Variants in AIPL1 observed in about 807,000 individuals in gnomAD.
AIPL1 encodes aryl-hydrocarbon-interacting protein-like 1.
AIPL1 carries 23 observed loss-of-function variants against 32.9 expected under a neutral mutation model. The observed-to-expected ratio is 0.70, with a 90% CI of 0.50 to 0.99. AIPL1 has a LOEUF of 0.99. AIPL1 is among the 50% of genes least tolerant of loss of function. The probability of loss-of-function intolerance (pLI) is 0.00; values close to 1 mark genes in which losing one functional copy is unlikely to be tolerated. For synonymous variants in AIPL1, 210 were observed against 209.4 expected (o/e 1.00, Z -0.02); for missense variants, 485 against 506.0 (o/e 0.96, Z 0.40).
chr17:6,433,303 A>G (rs1912790548), intron 2 of AIPL1, among the ~76,000 whole-genome samples: 1 of 152,232 alleles, frequency 6.6e-6, no homozygotes, highest in African/African-American at 2.4e-5. Context: ...GCTGTATAAA[A>G]AGCAAGGACT....
intron 3 of AIPL1, 107 bp from the exon 4 acceptor site, chr17:6,427,164 G>T: frequency 7.8e-7 from 1 of 1,279,182 alleles, no homozygotes; most frequent in Non-Finnish European, 1.1e-6. Flanking sequence ...AGTCATGCTT[G>T]CTGGTCAAGT....
chr17:6,426,099 T>C, intron 5 of AIPL1: 1 of 1,277,528 alleles, frequency 7.8e-7, no homozygotes, highest in South Asian at 1.8e-5. Context: ...CTAAATTAGA[T>C]AACCTTCAGG....
At position 6,425,883 on chromosome 17, in the gene AIPL1, A is replaced by G. The variant is rs1911899383; in HGVS notation, c.785-53T>C. 37 of 1,580,744 alleles carry G rather than the reference A, an allele frequency of 2.3e-5. No homozygotes were observed. In the South Asian group the frequency reaches 4.0e-4, roughly 17 times the overall value. On this transcript the variant is annotated intron_variant, in intron 5 of 5. Transcript: ENST00000381129. ...CAGCTCCCTTCCCAGCCTCAGAGGCAGCCCCAGCCCAGCTGGGACTCACCA... is the reference window on the plus strand; with the variant it reads ...CAGCTCCCTTCCCAGCCTCAGAGGCGGCCCCAGCCCAGCTGGGACTCACCA...
intron 1 of AIPL1, among the ~76,000 whole-genome samples, 154 bp from the exon 2 acceptor site, chr17:6,434,252 G>A (rs921384211): frequency 6.6e-6 from 1 of 151,096 alleles, no homozygotes; most frequent in Non-Finnish European, 1.5e-5. Flanking sequence ...CCTCCACCCT[G>A]CCTGCACCCC....
At chr17:6,426,498 A>T (rs1477129495) in intron 5 of AIPL1, 117 bp downstream of exon 5, 3 of 1,523,686 alleles carry the variant, frequency 2.0e-6, no homozygotes, top group African/African-American at 2.7e-5. Flanking sequence ...GGCTGGGTGG[A>T]GACAAGGTTT....
Position 6,428,525 on chromosome 17 carries a change from GGATGGCAT to G in AIPL1, c.277-27_277-20del. ...CCGTGTGCTGTGGGGATAAACGGAT[GGATGGCAT>G]CCAGGCTACCTGCCCAGAGCTAGGT... On this transcript the variant is annotated intron_variant, in intron 2 of 5. Coordinates refer to ENST00000381129, the MANE Select transcript of AIPL1 (RefSeq NM_014336.5). 1.2e-6 allele frequency: 2 copies of G among 1,611,962 alleles called. No individual in the cohort carries two copies. Among genetic ancestry groups the G allele is most frequent in the South Asian group, 2.2e-5 (2 of 91,056 alleles).
intron 2 of AIPL1, among the ~76,000 whole-genome samples, chr17:6,430,350 G>A (rs372761323): frequency 6.6e-6 from 1 of 151,304 alleles, no homozygotes; most frequent in Non-Finnish European, 1.5e-5. Flanking sequence ...CAGCTACTCA[G>A]GAGGCTGAGG....
intron 2 of AIPL1, among the ~76,000 whole-genome samples, chr17:6,432,443 A>C (rs1039083075): frequency 2.0e-5 from 3 of 152,176 alleles, no homozygotes; most frequent in Admixed American, 2.0e-4. Context: ...GAGACGCATC[A>C]ACAAAGCGCT....
chr17:6,431,696 A>G (rs73975082), intron 2 of AIPL1, among the ~76,000 whole-genome samples: 1,747 of 152,348 alleles, frequency 0.011, 26 homozygotes, highest in African/African-American at 0.038. Context: ...TTAAAAGGTC[A>G]GTGGCCTCTG....
At chr17:6,429,055 C>T (rs1394386201) in intron 2 of AIPL1, among the ~76,000 whole-genome samples, 2 of 152,182 alleles carry the variant, frequency 1.3e-5, no homozygotes, top group Admixed American at 6.5e-5. Context: ...AACTCAGTTC[C>T]CTGGGTTGCT....
rs149974083 is a variant in AIPL1, at chr17:6,434,875, C to A, written c.96+134G>T. On this transcript the variant is annotated intron_variant, in intron 1 of 5. Coordinates refer to ENST00000381129, the MANE Select transcript of AIPL1 (RefSeq NM_014336.5). ...GAATGGGTAAACGCTGGGAGCTCCC[C>A]GGAGGCCCAGCGCTGGGGCTGCCTG... The A allele has an allele frequency of 1.2e-4, 172 of 1,483,610 alleles. No individual in the cohort carries two copies. The African/African-American group carries it at 2.0e-3, about 17-fold the overall frequency. 91.9% of individuals were successfully genotyped at this position (1,483,610 alleles called of 1,614,324 possible).
At chr17:6,429,414 G>T (rs750723730) in intron 2 of AIPL1, among the ~76,000 whole-genome samples, 1 of 152,218 alleles carries the variant, frequency 6.6e-6, no homozygotes, top group Non-Finnish European at 1.5e-5. Context: ...CCGCCCCACC[G>T]GCCGGGATTA....
At position 6,432,381 on chromosome 17, in the gene AIPL1, A is replaced by G. The variant is rs967650685; in HGVS notation, c.276+1538T>C. Among the ~76,000 whole-genome samples, 6 of 152,022 alleles carry G rather than the reference A, an allele frequency of 3.9e-5. No individual in the cohort carries two copies. In the East Asian group the frequency reaches 1.2e-3, roughly 29 times the overall value. ...AGAGCAAGACTCCGTCTCAAAAAAA[A>G]AAAGAAAGAAAGAAAAGAAGGAAGT... On this transcript the variant is annotated intron_variant, in intron 2 of 5. Transcript: ENST00000381129.
intron 5 of AIPL1, chr17:6,426,207 G>A: frequency 2.3e-6 from 3 of 1,277,854 alleles, no homozygotes; most frequent in Non-Finnish European, 2.0e-6. Flanking sequence ...CATGAGCCAG[G>A]GGCTGGATGT....
At chr17:6,426,146 G>A (rs1263347118) in intron 5 of AIPL1, 1 of 1,312,232 alleles carries the variant, frequency 7.6e-7, no homozygotes, top group East Asian at 3.2e-5. Flanking sequence ...GTGATTATGA[G>A]GATTATGAGG....
intron 2 of AIPL1, among the ~76,000 whole-genome samples, chr17:6,431,016 A>G (rs16955855): frequency 0.076 from 11,646 of 152,258 alleles, 1,124 homozygotes; most frequent in African/African-American, 0.22. Context: ...TAGACACTGC[A>G]AGAAATGTGT....
intron 2 of AIPL1, among the ~76,000 whole-genome samples, chr17:6,430,456 CAAAAAAAAAA>C (rs1169701817): frequency 0.019 from 853 of 44,532 alleles, 13 homozygotes; most frequent in African/African-American, 0.074. Flanking sequence ...AAGTCCGTCT[CAAAAAAAAAA>C]AAAAAAAAAA....
intron 5 of AIPL1, chr17:6,426,209 G>A (rs1911933246): frequency 1.6e-6 from 2 of 1,279,488 alleles, no homozygotes; most frequent in South Asian, 1.9e-5. Context: ...TGAGCCAGGG[G>A]CTGGATGTTT....
At chr17:6,431,473 C>G (rs547418755) in intron 2 of AIPL1, among the ~76,000 whole-genome samples, 1 of 150,720 alleles carries the variant, frequency 6.6e-6, no homozygotes, top group East Asian at 1.9e-4. Flanking sequence ...AAAAAAAATT[C>G]TAGCTCAAAA....
Sources: allele counts gnomAD v4.1 joint callset (sites outside exome capture counted in the v4.1 genomes callset), GRCh38; gene constraint gnomAD v4.1.1; transcripts MANE v1.5; gene names NCBI Gene and HGNC (gene_info 2026-07-23, HGNC 2026-07-21).